The following CDK8 variants were observed in gnomAD, a reference collection of about 807,000 sequenced individuals.
The protein encoded by CDK8 is cyclin-dependent kinase 8.
CDK8 carries 29 observed loss-of-function variants against 71.5 expected under a neutral mutation model. That is an observed-to-expected ratio of 0.41 (90% CI 0.30 to 0.55). The LOEUF (loss-of-function observed/expected upper bound fraction) is 0.55. Ranked by LOEUF, CDK8 falls within the 20% of genes least tolerant of loss-of-function variation. CDK8 has a pLI of 0.37. For synonymous variants in CDK8, 161 were observed against 192.1 expected (o/e 0.84, Z 1.34); for missense variants, 288 against 572.6 (o/e 0.50, Z 5.07).
intron 1 of CDK8, among the ~76,000 whole-genome samples, chr13:26,306,619 GCT>G (rs1874054175): frequency 7.1e-6 from 1 of 140,044 alleles, no homozygotes; most frequent in African/African-American, 2.8e-5. Flanking sequence ...GCCCCTTATT[GCT>G]CTTTTTTTTT....
chr13:26,291,269 A>T (rs901395196), intron 1 of CDK8, among the ~76,000 whole-genome samples: 4 of 152,166 alleles, frequency 2.6e-5, no homozygotes, highest in African/African-American at 9.7e-5. Flanking sequence ...TACCATCTAG[A>T]TTTGTGTAAG....
At chr13:26,286,359 A>G (rs1166321837) in intron 1 of CDK8, among the ~76,000 whole-genome samples, 1 of 152,154 alleles carries the variant, frequency 6.6e-6, no homozygotes, top group Non-Finnish European at 1.5e-5. Context: ...AATAAAGCCA[A>G]ATACTTACAG....
chr13:26,331,737 G>T (rs1429363947), intron 1 of CDK8, among the ~76,000 whole-genome samples: 1 of 152,138 alleles, frequency 6.6e-6, no homozygotes. Flanking sequence ...TTGAAGTCAG[G>T]TAATGTGATG....
At chr13:26,363,486 A>G (rs535526952) in intron 4 of CDK8, among the ~76,000 whole-genome samples, 1 of 151,940 alleles carries the variant, frequency 6.6e-6, no homozygotes, top group African/African-American at 2.4e-5. Flanking sequence ...GAGGTATGCT[A>G]CTCACTTCAA....
chr13:26,275,179 T>G (rs1872516322), intron 1 of CDK8, among the ~76,000 whole-genome samples: 1 of 152,182 alleles, frequency 6.6e-6, no homozygotes, highest in Non-Finnish European at 1.5e-5. Context: ...TTTACGTCTT[T>G]TATAATAAAG....
chr13:26,372,620 G>A (rs780853604), intron 4 of CDK8, among the ~76,000 whole-genome samples: 3 of 152,144 alleles, frequency 2.0e-5, no homozygotes, highest in Non-Finnish European at 4.4e-5. Context: ...TGTTGACAGT[G>A]CACTGACAGT....
At chr13:26,270,592 C>A (rs1036873154) in intron 1 of CDK8, among the ~76,000 whole-genome samples, 3 of 152,306 alleles carry the variant, frequency 2.0e-5, no homozygotes, top group African/African-American at 7.2e-5. Context: ...TCTGTCCCTG[C>A]ATTTGCCTGT....
At chr13:26,306,879 T>C (rs1028198831) in intron 1 of CDK8, among the ~76,000 whole-genome samples, 1 of 152,126 alleles carries the variant, frequency 6.6e-6, no homozygotes, top group African/African-American at 2.4e-5. Flanking sequence ...TCTGCCTGCC[T>C]CGGCCTCCCA....
intron 1 of CDK8, among the ~76,000 whole-genome samples, chr13:26,312,859 T>A (rs1457853818): frequency 1.3e-5 from 2 of 152,222 alleles, no homozygotes; most frequent in East Asian, 3.9e-4. Flanking sequence ...GTATATTTAA[T>A]AAATTTCCTT....
chr13:26,339,810 G>A (rs944347524), intron 2 of CDK8, among the ~76,000 whole-genome samples: 2 of 146,090 alleles, frequency 1.4e-5, no homozygotes, highest in African/African-American at 5.0e-5. Flanking sequence ...TGAACTCACT[G>A]GTAGGTTTTT....
At chr13:26,385,380 A>G in intron 6 of CDK8, 38 bp downstream of exon 6, 1 of 1,537,402 alleles carries the variant, frequency 6.5e-7, no homozygotes, top group African/African-American at 1.4e-5. Context: ...AGTTTTTAAA[A>G]GTTTCTTTAA....
At chr13:26,385,630 G>A in intron 6 of CDK8, among the ~76,000 whole-genome samples, 1 of 152,062 alleles carries the variant, frequency 6.6e-6, no homozygotes, top group Non-Finnish European at 1.5e-5. Flanking sequence ...CCAGCTACTC[G>A]GGAGGCTGAG....
chr13:26,362,687 G>A (rs1283685465), intron 4 of CDK8, among the ~76,000 whole-genome samples: 1 of 152,110 alleles, frequency 6.6e-6, no homozygotes, highest in East Asian at 1.9e-4. Flanking sequence ...TCAAATGCCA[G>A]TCTCTTCTGG....
At chr13:26,364,449 A>G (rs1281381004) in intron 4 of CDK8, among the ~76,000 whole-genome samples, 1 of 152,198 alleles carries the variant, frequency 6.6e-6, no homozygotes, top group African/African-American at 2.4e-5. Context: ...TTAGGCCCAA[A>G]TTATAGAAAC....
intron 1 of CDK8, among the ~76,000 whole-genome samples, chr13:26,294,696 T>C (rs1175684): frequency 0.37 from 56,783 of 152,056 alleles, 10,873 homozygotes; most frequent in East Asian, 0.54. Context: ...GTTGGCTATT[T>C]GAAAGTCTTT....
chr13:26,404,465 A>T lies in CDK8; in HGVS notation c.*384A>T. 3.8e-6 allele frequency: 1 copy of T among 260,926 alleles called. No homozygotes were observed. Among genetic ancestry groups the T allele is most frequent in the Non-Finnish European group, 7.4e-6 (1 of 134,234 alleles). The allele number at this position is 260,926 out of a possible 1,614,324, so 16.2% of individuals were successfully genotyped here. ...TTCAGTGTAACAACATTATCTGACC[A>T]ATAGTACACACACAGACACAAAGTT... On this transcript the variant is annotated 3_prime_UTR_variant, in exon 13 of 13. Coordinates refer to ENST00000381527, the MANE Select transcript of CDK8 (RefSeq NM_001260.3).
intron 4 of CDK8, among the ~76,000 whole-genome samples, 162 bp downstream of exon 4, chr13:26,354,042 T>G (rs1873792849): frequency 1.3e-5 from 2 of 152,238 alleles, no homozygotes. Context: ...TTTTATATAA[T>G]GCCTCCTGCT....
intron 1 of CDK8, among the ~76,000 whole-genome samples, chr13:26,273,161 T>A (rs910836283): frequency 6.6e-6 from 1 of 152,218 alleles, no homozygotes; most frequent in Admixed American, 6.5e-5. Flanking sequence ...TATACAGTTG[T>A]CCCAGCCTCT....
chr13:26,316,703 A>T (rs1190636125), intron 1 of CDK8, among the ~76,000 whole-genome samples: 2 of 152,212 alleles, frequency 1.3e-5, no homozygotes, highest in African/African-American at 4.8e-5. Flanking sequence ...GAAAAGTAGC[A>T]AACACCAGGG....
Sources: allele counts gnomAD v4.1 joint callset (sites outside exome capture counted in the v4.1 genomes callset), GRCh38; gene constraint gnomAD v4.1.1; transcripts MANE v1.5; gene names NCBI Gene and HGNC (gene_info 2026-07-23, HGNC 2026-07-21).